MOSPD2: variants seen among roughly 807,000 people sequenced by gnomAD.
The protein encoded by MOSPD2 is motile sperm domain containing 2.
In MOSPD2, 5 loss-of-function variants were observed where a neutral mutation model predicts 41.7. That is an observed-to-expected ratio of 0.12 (90% confidence interval 0.06 to 0.25). The LOEUF is 0.25. MOSPD2 is among the 10% of genes least tolerant of loss of function. The pLI is 1.00. For synonymous variants in MOSPD2, 115 were observed against 126.9 expected, an observed-to-expected ratio of 0.91 and a Z score of 0.63; for missense variants, 282 against 375.2, an observed-to-expected ratio of 0.75 and a Z score of 2.05.
intron 7 of MOSPD2, among the ~76,000 whole-genome samples, chrX:14,904,600 C>A (rs1337306659): frequency 9.0e-6 from 1 of 111,487 alleles, no homozygotes; most frequent in Non-Finnish European, 1.9e-5. Flanking sequence ...TGAGAACTCA[C>A]TGAAAACTAT....
chrX:14,899,717 A>G (rs1487930703), intron 5 of MOSPD2, among the ~76,000 whole-genome samples: 1 of 110,112 alleles, frequency 9.1e-6, no homozygotes, highest in African/African-American at 3.3e-5. Context: ...GGATGAATTT[A>G]TAGACACTTA....
rs4830518 is a variant in MOSPD2, at chrX:14,904,417, C to T, written c.577+1413C>T. On this transcript the variant is annotated intron_variant, in intron 7 of 14. Transcript: ENST00000380492. ...AAAGCATTTGACAAAATCTAGTACC[C>T]TCTCATGATAAAAGTACTCAACAAA... is the stretch of plus-strand genomic sequence containing the variant. Among the ~76,000 whole-genome samples, 1,109 of 111,554 alleles carry T rather than the reference C, an allele frequency of 9.9e-3. 8 individuals are homozygous for T. The highest frequency in any genetic ancestry group is 0.017 in the Non-Finnish European group (910 of 53,105).
Position 14,914,434 on chromosome X carries a change from C to T in MOSPD2, c.993-69C>T, listed in dbSNP as rs757083486. 8.2e-5 allele frequency: 56 copies of T among 683,823 alleles called. No individual in the cohort carries two copies. The South Asian group carries it at 1.4e-3, about 17-fold the overall frequency. The allele number at this position is 683,823 out of a possible 1,213,427, so 56.4% of individuals were successfully genotyped here. ...AAGATATTAACTAAATATTTTTCTT[C>T]AAGCTAAATGATTAGATTGTCATTT... On this transcript the variant is annotated intron_variant, in intron 10 of 14. Transcript: ENST00000380492.
intron 11 of MOSPD2, among the ~76,000 whole-genome samples, chrX:14,915,044 T>A (rs1286904319): frequency 8.9e-6 from 1 of 111,939 alleles, no homozygotes; most frequent in Non-Finnish European, 1.9e-5. Context: ...ACTAAGTCCG[T>A]CACTACCCCG....
At chrX:14,902,816 C>G (rs993289289) in intron 6 of MOSPD2, 150 bp from the exon 7 acceptor site, 1 of 461,324 alleles carries the variant, frequency 2.2e-6, no homozygotes, top group African/African-American at 2.5e-5. Context: ...GAATACTATT[C>G]ATGATACTAT....
At chrX:14,884,094 G>A (rs1285199388) in intron 2 of MOSPD2, among the ~76,000 whole-genome samples, 1 of 110,952 alleles carries the variant, frequency 9.0e-6, no homozygotes, top group Non-Finnish European at 1.9e-5. Context: ...AGTGCTGAGG[G>A]AAATAACTGC....
intron 4 of MOSPD2, among the ~76,000 whole-genome samples, chrX:14,896,526 C>T (rs1395039723): frequency 2.7e-5 from 3 of 111,654 alleles, no homozygotes; most frequent in Non-Finnish European, 5.6e-5. Context: ...TGCTATTGCC[C>T]GAAAGGTGTT....
At chrX:14,877,206 T>G (rs1298277497) in intron 2 of MOSPD2, among the ~76,000 whole-genome samples, 2 of 112,130 alleles carry the variant, frequency 1.8e-5, no homozygotes, top group Non-Finnish European at 3.8e-5. Flanking sequence ...TGTTTTGTAA[T>G]TAGGTTTGTT....
At chrX:14,908,451 G>GT (rs1222287577) in intron 7 of MOSPD2, among the ~76,000 whole-genome samples, 1 of 111,513 alleles carries the variant, frequency 9.0e-6, no homozygotes, top group Non-Finnish European at 1.9e-5. Flanking sequence ...GTTTGAGAAG[G>GT]TTTTTCAGAT....
rs1431628360 is a variant in MOSPD2, at chrX:14,873,761, G to A, written c.79+3G>A. Reference sequence around the variant, plus strand: ...GTTCGAAGCTGAGTATGTGACAGGTGGGTACTCTGTTCCAGGTATTAAGAA... The same window carrying A: ...GTTCGAAGCTGAGTATGTGACAGGTAGGTACTCTGTTCCAGGTATTAAGAA... On this transcript the variant is annotated splice_donor_region_variant and intron_variant, in intron 2 of 14. Transcript: ENST00000380492. The A allele has an allele frequency of 8.4e-7, 1 of 1,193,956 alleles. No individual in the cohort carries two copies. The highest frequency in any genetic ancestry group is 1.8e-5 in the African/African-American group (1 of 56,769).
rs770209451 is a variant in MOSPD2 at position 14,911,214 on chromosome X, C to T, written c.703-23C>T. On this transcript the variant is annotated intron_variant, in intron 8 of 14. Transcript: ENST00000380492. Reference sequence around the variant, plus strand: ...TTCTCTACCCACCATTTAGTAGGCTCATGTGAAATTATTTTCTTGTAGGAT... The same window carrying T: ...TTCTCTACCCACCATTTAGTAGGCTTATGTGAAATTATTTTCTTGTAGGAT... 4.0e-5 allele frequency: 47 copies of T among 1,161,091 alleles called. No homozygotes were observed. In the South Asian group the frequency reaches 8.6e-4, roughly 21 times the overall value.
chrX:14,877,916 T>A (rs1167068426), intron 2 of MOSPD2, among the ~76,000 whole-genome samples: 6 of 106,409 alleles, frequency 5.6e-5, no homozygotes, highest in Non-Finnish European at 5.8e-5. Flanking sequence ...AGGTGGAGCT[T>A]GCAGTGAGCA....
At chrX:14,897,898 C>G (rs1330761164) in intron 5 of MOSPD2, among the ~76,000 whole-genome samples, 5 of 112,223 alleles carry the variant, frequency 4.5e-5, no homozygotes, top group African/African-American at 6.5e-5. Context: ...CAATTGAGAT[C>G]ACTTGGCACA....
At chrX:14,880,732 T>TG (rs2092529916) in intron 2 of MOSPD2, among the ~76,000 whole-genome samples, 1 of 112,460 alleles carries the variant, frequency 8.9e-6, no homozygotes, top group Non-Finnish European at 1.9e-5. Context: ...CTTCATCTGT[T>TG]GCACACATTT....
intron 9 of MOSPD2, 74 bp from the exon 10 acceptor site, chrX:14,912,175 T>C: frequency 1.7e-6 from 1 of 600,804 alleles, no homozygotes; most frequent in South Asian, 4.2e-5. Context: ...TTATGTATAA[T>C]AGTAGGCACT....
intron 2 of MOSPD2, among the ~76,000 whole-genome samples, chrX:14,889,150 G>C (rs1453483719): frequency 9.0e-6 from 1 of 110,878 alleles, no homozygotes; most frequent in Non-Finnish European, 1.9e-5. Flanking sequence ...TTTTATAAGG[G>C]CCATAATGCC....
chrX:14,902,929 C>G, intron 6 of MOSPD2, 37 bp from the exon 7 acceptor site: 1 of 1,049,027 alleles, frequency 9.5e-7, no homozygotes, highest in Non-Finnish European at 1.3e-6. Flanking sequence ...TATAGAGGTA[C>G]TGATTCACAT....
chrX:14,916,209 C>T lies in MOSPD2; in HGVS notation c.1199C>T (p.Ser400Phe). Residue 400 changes from serine to phenylalanine, a missense_variant, in exon 13 of 15, where the codon TCT becomes TTT. Physicochemically the swap from Ser to Phe is radical, Grantham distance 155. Transcript: ENST00000380492. ...TTTTGGAATGCAGGTTTAACAGTCT[C>T]TGCCCAAGACCGTTTTCTGATAATG... ...VVSPHGGLTV[S>F]AQDRFLIMAA... The T allele has an allele frequency of 8.3e-7, 1 of 1,211,722 alleles. No homozygotes were observed. The highest frequency in any genetic ancestry group is 1.1e-6 in the Non-Finnish European group (1 of 895,413).
intron 5 of MOSPD2, among the ~76,000 whole-genome samples, chrX:14,899,606 A>ACACACACACACACAC (rs1569103813): frequency 6.6e-5 from 7 of 105,590 alleles, no homozygotes; most frequent in Non-Finnish European, 9.7e-5. Flanking sequence ...ACACACACAC[A>ACACACACACACACAC]AAGGTATTAT....
Sources: allele counts gnomAD v4.1 joint callset (sites outside exome capture counted in the v4.1 genomes callset), GRCh38; gene constraint gnomAD v4.1.1; transcripts MANE v1.5; gene names NCBI Gene and HGNC (gene_info 2026-07-23, HGNC 2026-07-21).